PHIP: variants seen among roughly 807,000 people sequenced by gnomAD.
PHIP encodes PH-interacting protein.
A neutral mutation model predicts 236.8 loss-of-function variants in PHIP; 54 were observed. The ratio of observed to expected loss-of-function variants is 0.23; its 90% CI spans 0.18 to 0.29. PHIP has a LOEUF of 0.29. Ranked by LOEUF, PHIP falls within the 10% of genes least tolerant of loss-of-function variation. The pLI is 1.00. For missense variants in PHIP, 1,370 were observed against 2,190.8 expected, an observed-to-expected ratio of 0.63 and a Z score of 7.48; for synonymous variants, 756 against 718.9, an observed-to-expected ratio of 1.05 and a Z score of -0.83.
rs138646554 is a variant in PHIP, at chr6:79,002,294, T to C, written c.1654-170A>G. ...AATTAATTGTAAATAGGTATTTTAA[T>C]TTTCTACCTTAAGTATTATGATCAG... On this transcript the variant is annotated intron_variant, in intron 16 of 39. Coordinates refer to ENST00000275034, the MANE Select transcript of PHIP (RefSeq NM_017934.7). Among the ~76,000 whole-genome samples, 9 of 152,252 alleles carry C rather than the reference T, an allele frequency of 5.9e-5. No homozygotes were observed. The East Asian group carries it at 1.4e-3, about 23-fold the overall frequency.
At chr6:79,064,658 C>T (rs1773536997) in intron 4 of PHIP, among the ~76,000 whole-genome samples, 1 of 152,176 alleles carries the variant, frequency 6.6e-6, no homozygotes, top group African/African-American at 2.4e-5. Flanking sequence ...GGCTTGCTTT[C>T]TTCCTCTCCA....
chr6:79,031,280 C>T (rs896198587), intron 7 of PHIP, among the ~76,000 whole-genome samples: 2 of 152,094 alleles, frequency 1.3e-5, no homozygotes, highest in African/African-American at 4.8e-5. Flanking sequence ...ATAATTACTG[C>T]GAAAGAGTGC....
chr6:79,044,894 A>G (rs1374612400), intron 6 of PHIP, among the ~76,000 whole-genome samples: 2 of 152,198 alleles, frequency 1.3e-5, no homozygotes, highest in Non-Finnish European at 1.5e-5. Flanking sequence ...CTTCTTAAAC[A>G]CAGGTTTTAC....
intron 31 of PHIP, among the ~76,000 whole-genome samples, chr6:78,959,589 C>T (rs1766639769): frequency 6.6e-6 from 1 of 152,096 alleles, no homozygotes; most frequent in Admixed American, 6.6e-5. Flanking sequence ...AACCTACTTA[C>T]ATTGTATTGA....
At chr6:79,019,062 T>A in intron 10 of PHIP, 27 bp downstream of exon 10, 1 of 1,547,870 alleles carries the variant, frequency 6.5e-7, no homozygotes, top group East Asian at 2.2e-5. Context: ...CAACTTTAAG[T>A]CGAAAATTAG....
chr6:79,056,099 A>G (rs188440974), intron 6 of PHIP, among the ~76,000 whole-genome samples: 4 of 152,330 alleles, frequency 2.6e-5, no homozygotes, highest in African/African-American at 9.6e-5. Flanking sequence ...GCAATAAAAC[A>G]TAATGTCTGT....
chr6:79,075,269 T>G (rs1774092560), intron 4 of PHIP, among the ~76,000 whole-genome samples: 1 of 152,082 alleles, frequency 6.6e-6, no homozygotes. Context: ...ATATACAGTT[T>G]GATGGATGAG....
chr6:79,042,563 T>A (rs1283538133), intron 7 of PHIP, among the ~76,000 whole-genome samples: 2 of 152,054 alleles, frequency 1.3e-5, no homozygotes, highest in Admixed American at 6.6e-5. Flanking sequence ...TTTTGCAAAA[T>A]GTCAAACTGT....
rs186029723 is a variant in PHIP at position 79,016,423 on chromosome 6, T to C, written c.1235+121A>G. On this transcript the variant is annotated intron_variant, in intron 13 of 39. Coordinates refer to ENST00000275034, the MANE Select transcript of PHIP (RefSeq NM_017934.7). ...TCATCTCCAATTGTACCTCTAGTTA[T>C]CGCAGAAAAGTAGTAATTTTAACAT... 5.8e-4 allele frequency: 279 copies of C among 481,396 alleles called. 2 individuals are homozygous for C. In the East Asian group the frequency reaches 8.2e-3, roughly 14 times the overall value. The allele number at this position is 481,396 out of a possible 1,614,324, so 29.8% of individuals were successfully genotyped here.
intron 37 of PHIP, chr6:78,946,496 G>A: frequency 1.4e-6 from 2 of 1,394,704 alleles, no homozygotes; most frequent in Non-Finnish European, 9.2e-7. Flanking sequence ...TAAAAATGCT[G>A]TTTTACTGTA....
Position 79,026,002 on chromosome 6 carries a change from G to T in PHIP, c.763C>A (p.Arg255=), listed in dbSNP as rs1064796868. The T allele has an allele frequency of 6.2e-7, 1 of 1,614,042 alleles. No homozygotes were observed. The highest frequency in any genetic ancestry group is 1.1e-5 in the South Asian group (1 of 91,076). ...CDKMIRVWCL[R]TCAPLAVLQG... ...AGAACAGCCAAAGGTGCACAGGTTC[G>T]AAGACACCAGACTCGGATCATTTTA... The change falls in exon 8 of 40, where the codon CGA becomes AGA. Residue 255 remains arginine (R), a synonymous_variant. Transcript: ENST00000275034.
At chr6:79,033,787 G>A (rs1216518049) in intron 7 of PHIP, among the ~76,000 whole-genome samples, 1 of 152,064 alleles carries the variant, frequency 6.6e-6, no homozygotes, top group Non-Finnish European at 1.5e-5. Flanking sequence ...TTCACAACTT[G>A]GCTAACTCTT....
At chr6:79,014,753 T>G (rs1388793595) in intron 15 of PHIP, among the ~76,000 whole-genome samples, 1 of 151,804 alleles carries the variant, frequency 6.6e-6, no homozygotes, top group East Asian at 1.9e-4. Flanking sequence ...TACGAGTATT[T>G]ATTTATAATT....
chr6:78,969,522 T>C (rs1028037470), intron 27 of PHIP, among the ~76,000 whole-genome samples: 19 of 152,214 alleles, frequency 1.2e-4, no homozygotes, highest in Admixed American at 2.0e-4. Flanking sequence ...ATACATCTTG[T>C]TAAGCTTCTT....
chr6:79,042,380 C>T (rs533117200), intron 7 of PHIP, among the ~76,000 whole-genome samples: 1 of 151,914 alleles, frequency 6.6e-6, no homozygotes, highest in African/African-American at 2.4e-5. Flanking sequence ...AATTTTTTAG[C>T]TTTTTTAAAA....
rs116850547 is a variant in PHIP at position 78,985,099 on chromosome 6, A to G, written c.2537+253T>C. On this transcript the variant is annotated intron_variant, in intron 22 of 39. Transcript: ENST00000275034. Reference sequence around the variant, plus strand: ...TGAAACTGGTTTGCAATTCAACATTATAACGGTATTCAGAAGAAACAATAC... The same window carrying G: ...TGAAACTGGTTTGCAATTCAACATTGTAACGGTATTCAGAAGAAACAATAC... Among the ~76,000 whole-genome samples the G allele has an allele frequency of 1.9e-3, 283 of 152,284 alleles. 3 individuals carry two copies. The East Asian group carries it at 0.045, about 24-fold the overall frequency.
In PHIP at chr6:78,945,373, G is replaced by A; in HGVS notation, c.4755C>T (p.Val1585=). The change falls in exon 39 of 40, where the codon GTC becomes GTT. Residue 1585 remains valine, a synonymous_variant. Coordinates refer to ENST00000275034, the MANE Select transcript of PHIP (RefSeq NM_017934.7). ...AKENMEKEKP[V]KRKMKSSVLP... ...GTACAGATGACTTCATTTTACGTTT[G>A]ACTGGCTTTTCCTTTTCCATGTTTT... The A allele has an allele frequency of 6.2e-7, 1 of 1,613,556 alleles. No homozygotes were observed. Among genetic ancestry groups the A allele is most frequent in the Non-Finnish European group, 8.5e-7 (1 of 1,179,578 alleles).
intron 24 of PHIP, among the ~76,000 whole-genome samples, chr6:78,973,728 C>T (rs1465224301): frequency 6.6e-6 from 1 of 151,780 alleles, no homozygotes. Context: ...GGTTGCAATC[C>T]TAGTCTGATA....
intron 32 of PHIP, chr6:78,957,010 A>G (rs1221060299): frequency 6.6e-6 from 1 of 152,088 alleles, no homozygotes; most frequent in African/African-American, 2.4e-5. Flanking sequence ...GGAATACTTA[A>G]TATCTTGAAG....
Sources: gnomAD v4.1 joint callset for allele counts (sites outside exome capture counted in the v4.1 genomes callset) on GRCh38, gnomAD v4.1.1 for gene constraint, MANE v1.5 for transcripts, NCBI Gene and HGNC (gene_info 2026-07-23, HGNC 2026-07-21) for gene names.